ASB14: variants seen among roughly 807,000 people sequenced by gnomAD.
The protein encoded by ASB14 is ankyrin repeat and SOCS box containing 14.
ASB14 carries 63 observed loss-of-function variants against 55.6 expected under a neutral mutation model. The ratio of observed to expected loss-of-function variants is 1.13; its 90% CI spans 0.92 to 1.40. The LOEUF (loss-of-function observed/expected upper bound fraction) is 1.40. ASB14 is among the 40% of genes most tolerant of loss of function. The pLI is 0.00. For missense variants in ASB14, 724 were observed against 710.4 expected (o/e 1.02, Z -0.22); for synonymous variants, 256 against 259.9 (o/e 0.98, Z 0.15).
chr3:57,271,386 TAA>T (rs1227703824), intron 10 of ASB14: 1 of 152,660 alleles, frequency 6.6e-6, no homozygotes, highest in South Asian at 2.1e-4. Context: ...ATACTTTTGA[TAA>T]AAAGTTTATT....
chr3:57,274,462 C>G (rs182748996), intron 10 of ASB14, among the ~76,000 whole-genome samples: 1 of 152,318 alleles, frequency 6.6e-6, no homozygotes, highest in Non-Finnish European at 1.5e-5. Flanking sequence ...GCAGGCAGAT[C>G]ACTTAAGGTC....
At chr3:57,288,706 TCC>T (rs2061101532) in intron 3 of ASB14, among the ~76,000 whole-genome samples, 1 of 132,686 alleles carries the variant, frequency 7.5e-6, no homozygotes, top group African/African-American at 3.1e-5. Context: ...ATCATATCTT[TCC>T]TTTTTTTTTT....
At chr3:57,272,182 C>G (rs2060946401) in intron 10 of ASB14, 1 of 152,226 alleles carries the variant, frequency 6.6e-6, no homozygotes, top group Non-Finnish European at 1.5e-5. Context: ...ACAATGCATT[C>G]TGTTACCTAT....
chr3:57,271,434 T>TATC (rs1405302610), intron 10 of ASB14: 1 of 152,640 alleles, frequency 6.6e-6, no homozygotes, highest in Non-Finnish European at 1.5e-5. Flanking sequence ...CACAATAGTG[T>TATC]ATCAGTTCTT....
chr3:57,276,388 C>T, intron 10 of ASB14, 140 bp downstream of exon 10: 1 of 597,432 alleles, frequency 1.7e-6, no homozygotes, highest in Non-Finnish European at 2.8e-6. Flanking sequence ...CAAGGTGAAG[C>T]AATCCTCCTG....
chr3:57,285,689 T>C (rs562304622), intron 5 of ASB14, among the ~76,000 whole-genome samples: 57 of 152,168 alleles, frequency 3.7e-4, no homozygotes, highest in Non-Finnish European at 6.2e-4. Context: ...CAATTTATCA[T>C]TAATTCCACC....
intron 5 of ASB14, among the ~76,000 whole-genome samples, chr3:57,284,094 A>ATGTATGTGTGTGTGTGTGTGTG (rs1553640084): frequency 0.016 from 2,129 of 136,494 alleles, 29 homozygotes; most frequent in Middle Eastern, 0.026. Context: ...AACACTGTGT[A>ATGTATGTGTGTGTGTGTGTGTG]TGTGTGTGTG....
Position 57,269,274 on chromosome 3 carries a change from G to C in ASB14, c.*367C>G, listed in dbSNP as rs974503829. 4.1e-5 allele frequency: 14 copies of C among 343,482 alleles called. No individual in the cohort carries two copies. The Admixed American group carries it at 6.0e-4, about 15-fold the overall frequency. 21.3% of individuals were successfully genotyped at this position (343,482 alleles called of 1,614,324 possible). On this transcript the variant is annotated 3_prime_UTR_variant, in exon 11 of 11. Transcript: ENST00000487349. ...CTATAATATATAGTGAGAGATGATT[G>C]ATGATGGGCTTTATTTGGTTGTTGG...
chr3:57,277,711 A>C, intron 9 of ASB14, 56 bp downstream of exon 9: 2 of 1,474,768 alleles, frequency 1.4e-6, no homozygotes, highest in Non-Finnish European at 1.8e-6. Flanking sequence ...AAAACAACCA[A>C]ATAAGAATAC....
chr3:57,283,658 G>A (rs950823445), intron 5 of ASB14, among the ~76,000 whole-genome samples: 2 of 152,132 alleles, frequency 1.3e-5, no homozygotes, highest in African/African-American at 2.4e-5. Flanking sequence ...TGTAAGCCAT[G>A]AGTAATTATT....
chr3:57,291,702 C>T (rs534485454), intron 2 of ASB14, among the ~76,000 whole-genome samples: 3 of 152,184 alleles, frequency 2.0e-5, no homozygotes, highest in Non-Finnish European at 4.4e-5. Context: ...CTGCTAACCT[C>T]CTTCAGATAT....
intron 10 of ASB14, 36 bp from the exon 11 acceptor site, chr3:57,269,654 A>T (rs1182210702): frequency 6.2e-7 from 1 of 1,613,522 alleles, no homozygotes; most frequent in African/African-American, 1.3e-5. Flanking sequence ...GTGATTTGGG[A>T]GAAGGAGGAA....
chr3:57,276,666 G>A lies in ASB14; in HGVS notation c.1648C>T (p.His550Tyr). 6.2e-7 allele frequency: 1 copy of A among 1,614,056 alleles called. No homozygotes were observed. Among genetic ancestry groups the A allele is most frequent in the Middle Eastern group, 1.6e-4 (1 of 6,062 alleles). Reference protein sequence around the residue: ...LKIRKCMGRLHLRCPVFMSFL... With the variant: ...LKIRKCMGRLYLRCPVFMSFL... The stretch of plus-strand genomic sequence containing the variant: ...GACATGAAGACAGGGCAGCGCAAAT[G>A]TAACCGTCCCATGCATTTCCGGATC... The change falls in exon 10 of 11, where the codon CAT becomes TAT. Residue 550 changes from histidine (H) to tyrosine (Y), a missense_variant. Coordinates refer to ENST00000487349, the MANE Select transcript of ASB14 (RefSeq NM_001142733.3).
chr3:57,288,405 C>T, intron 3 of ASB14, 119 bp from the exon 4 acceptor site: 1 of 1,126,932 alleles, frequency 8.9e-7, no homozygotes, highest in Non-Finnish European at 1.3e-6. Flanking sequence ...CTAGCACCAC[C>T]TTTTATGAAA....
Position 57,283,190 on chromosome 3 carries a change from T to A in ASB14, c.715+4A>T, listed in dbSNP as rs1378014807. On this transcript the variant is annotated splice_donor_region_variant and intron_variant, in intron 6 of 10. Coordinates refer to ENST00000487349, the MANE Select transcript of ASB14 (RefSeq NM_001142733.3). Reference sequence around the variant, plus strand: ...TAGTGTGCTGACCAAACAGAAGATCTTGCCTTTCCGCAGTAACATTTCCAT... The same window carrying A: ...TAGTGTGCTGACCAAACAGAAGATCATGCCTTTCCGCAGTAACATTTCCAT... 1 of 1,552,228 alleles carries A rather than the reference T, an allele frequency of 6.4e-7. No homozygotes were observed. Among genetic ancestry groups the A allele is most frequent in the South Asian group, 1.2e-5 (1 of 84,050 alleles).
intron 5 of ASB14, 133 bp downstream of exon 5, chr3:57,287,768 C>T (rs1054485940): frequency 2.6e-5 from 26 of 1,003,310 alleles, no homozygotes; most frequent in African/African-American, 2.5e-4. Context: ...TCTGGAGGGT[C>T]GGTACCCATG....
chr3:57,277,441 CT>C (rs2060998994), intron 9 of ASB14, among the ~76,000 whole-genome samples: 1 of 152,090 alleles, frequency 6.6e-6, no homozygotes, highest in South Asian at 2.1e-4. Flanking sequence ...TGGCTCTTAG[CT>C]TTTTCTCATC....
chr3:57,277,847 A>C lies in ASB14; in HGVS notation c.1505T>G (p.Val502Gly). 3 of 1,613,714 alleles carry C rather than the reference A, an allele frequency of 1.9e-6. No individual in the cohort carries two copies. The highest frequency in any genetic ancestry group is 2.5e-6 in the Non-Finnish European group (3 of 1,179,612). ...GKVVRVMLDY[V>G]DQVRICSKLK... The stretch of plus-strand genomic sequence containing the variant: ...CTTTGAACAGATCCGAACTTGATCA[A>C]CATAATCAAGCATCACTCGAACAAC... Residue 502 changes from valine (V) to glycine (G), a missense_variant, in exon 9 of 11, where the codon GTT becomes GGT. Physicochemically the swap from Val to Gly is moderately radical, Grantham distance 109 (BLOSUM62 -3). Coordinates refer to ENST00000487349, the MANE Select transcript of ASB14 (RefSeq NM_001142733.3).
At position 57,283,305 on chromosome 3, in the gene ASB14, T is replaced by A. The variant is rs956809639; in HGVS notation, c.604A>T (p.Met202Leu). 22 of 1,551,726 alleles carry A rather than the reference T, an allele frequency of 1.4e-5. No homozygotes were observed. Among genetic ancestry groups the A allele is most frequent in the Admixed American group, 2.0e-5 (1 of 50,980 alleles). ...TCAGGGTGTGCCCCAGAAACCAGCA[T>A]AAGCTTCACCATGTCCTCTCTGCCC... Reference protein sequence around the residue: ...KLGREDMVKLMLVSGAHPDPQ... With the variant: ...KLGREDMVKLLLVSGAHPDPQ... Residue 202 changes from methionine (M) to leucine (L), a missense_variant, in exon 6 of 11, where the codon ATG becomes TTG. Transcript: ENST00000487349.
Sources: allele counts gnomAD v4.1 joint callset (sites outside exome capture counted in the v4.1 genomes callset), GRCh38; gene constraint gnomAD v4.1.1; transcripts MANE v1.5; gene names NCBI Gene and HGNC (gene_info 2026-07-23, HGNC 2026-07-21).